The following SLFN12L variants were observed in gnomAD, a reference collection of about 807,000 sequenced individuals.
The protein encoded by SLFN12L is schlafen family member 12 like.
In SLFN12L, 34 loss-of-function variants were observed where a neutral mutation model predicts 34.8. That is an observed-to-expected ratio of 0.98 (90% CI 0.74 to 1.30). The LOEUF (loss-of-function observed/expected upper bound fraction) is 1.30, where lower values mean the gene tolerates loss of function less well. Among genes scored for constraint, SLFN12L ranks in the 50% most tolerant of loss-of-function variants. The pLI is 0.00. For synonymous variants in SLFN12L, 259 were observed against 247.5 expected (o/e 1.05, Z -0.44); for missense variants, 703 against 696.2 (o/e 1.01, Z -0.11).
intron 2 of SLFN12L, among the ~76,000 whole-genome samples, chr17:35,482,738 G>C (rs1914396244): frequency 6.6e-6 from 1 of 152,156 alleles, no homozygotes; most frequent in South Asian, 2.1e-4. Context: ...AGACATAAAT[G>C]GCAGTGGGAG....
chr17:35,490,360 T>C (rs1231260646), intron 2 of SLFN12L: 1 of 1,339,856 alleles, frequency 7.5e-7, no homozygotes, highest in Non-Finnish European at 1.1e-6. Flanking sequence ...CACGGTACGA[T>C]AGTCTCTTGA....
intron 1 of SLFN12L, among the ~76,000 whole-genome samples, chr17:35,530,497 A>AAATT (rs2072395321): frequency 1.3e-4 from 5 of 37,824 alleles, no homozygotes; most frequent in African/African-American, 3.7e-4. Flanking sequence ...AGAAAGAAAG[A>AAATT]AAGAAAGAAA....
At chr17:35,495,325 C>T (rs1317039435) in intron 2 of SLFN12L, among the ~76,000 whole-genome samples, 1 of 152,180 alleles carries the variant, frequency 6.6e-6, no homozygotes, top group African/African-American at 2.4e-5. Context: ...CCCATAGGTT[C>T]ATTGTCTTAA....
intron 2 of SLFN12L, among the ~76,000 whole-genome samples, chr17:35,511,573 A>G (rs1415380129): frequency 1.1e-5 from 1 of 92,098 alleles, no homozygotes; most frequent in African/African-American, 3.8e-5. Context: ...TCGTCTCTAC[A>G]CACACACACA....
chr17:35,504,830 AG>A (rs1915414887), intron 2 of SLFN12L, among the ~76,000 whole-genome samples: 1 of 152,250 alleles, frequency 6.6e-6, no homozygotes, highest in African/African-American at 2.4e-5. Context: ...CTTATCAATC[AG>A]TCAGCCCTTG....
rs915075212 is a variant in SLFN12L, at chr17:35,464,850, G to A, written c.*10073C>T. On this transcript the variant is annotated 3_prime_UTR_variant, in exon 5 of 5. Coordinates refer to ENST00000628453, the MANE Select transcript of SLFN12L (RefSeq NM_001363830.2). ...ATAGCTAAGGTCGTGATTGGGTTTA[G>A]AACTGTAAGGTTTTTTGTTTTCTGT... Among the ~76,000 whole-genome samples, 1 of 152,058 alleles carries A rather than the reference G, an allele frequency of 6.6e-6. No individual in the cohort carries two copies. Among genetic ancestry groups the A allele is most frequent in the African/African-American group, 2.4e-5 (1 of 41,404 alleles).
In SLFN12L at chr17:35,475,257, T is replaced by C. The variant is rs902015856; in HGVS notation, c.1505A>G (p.His502Arg). ...QDKPPVLYTF[H>R]MVQDEEFKDY... ...TTTAAACTCCTCATCCTGTACCATG[T>C]GGAAGGTGTATAGGACTGGAGGCTT... Residue 502 changes from histidine to arginine, a missense_variant, in exon 5 of 5, where the codon CAC becomes CGC. His to Arg is a conservative substitution (Grantham distance 29). Transcript: ENST00000628453. 6.2e-7 allele frequency: 1 copy of C among 1,614,142 alleles called. No individual in the cohort carries two copies.
intron 1 of SLFN12L, among the ~76,000 whole-genome samples, chr17:35,529,776 T>G (rs557609297): frequency 4.6e-5 from 7 of 152,172 alleles, no homozygotes; most frequent in African/African-American, 1.7e-4. Flanking sequence ...CAAACCACCA[T>G]GGCATGTGAA....
rs1914256482 is a variant in SLFN12L at position 35,480,024 on chromosome 17, G to A, written c.258C>T (p.Val86=). The part of the protein sequence containing the change: ...CQLRKQQNEN[V]SRAVCALLNS... ...TCAGCAGAGCACACACAGCTCGTGA[G>A]ACATTTTCATTCTGCTGTTTTCTCA... The change falls in exon 3 of 5, where the codon GTC becomes GTT. Residue 86 remains valine, a synonymous_variant. Coordinates refer to ENST00000628453, the MANE Select transcript of SLFN12L (RefSeq NM_001363830.2). The A allele has an allele frequency of 6.2e-7, 1 of 1,614,150 alleles. No homozygotes were observed. The highest frequency in any genetic ancestry group is 8.5e-7 in the Non-Finnish European group (1 of 1,180,038).
At chr17:35,496,554 C>G (rs1915088139) in intron 2 of SLFN12L, among the ~76,000 whole-genome samples, 1 of 151,508 alleles carries the variant, frequency 6.6e-6, no homozygotes, top group Non-Finnish European at 1.5e-5. Flanking sequence ...CCCTCCCCTC[C>G]CCTCATGACC....
chr17:35,490,802 G>T, intron 2 of SLFN12L: 1 of 1,400,266 alleles, frequency 7.1e-7, no homozygotes, highest in Admixed American at 1.7e-5. Flanking sequence ...AGACTTGAGT[G>T]CCTGACTCAA....
At chr17:35,498,852 G>T (rs968517763) in intron 2 of SLFN12L, 2 of 733,870 alleles carry the variant, frequency 2.7e-6, no homozygotes, top group Non-Finnish European at 4.8e-6. Flanking sequence ...GTATGCAAGT[G>T]GCAGCTCCTC....
At chr17:35,511,368 A>G (rs972314768) in intron 2 of SLFN12L, among the ~76,000 whole-genome samples, 2 of 152,234 alleles carry the variant, frequency 1.3e-5, no homozygotes, top group Non-Finnish European at 2.9e-5. Flanking sequence ...AGATGGTAAA[A>G]TAAACTTACT....
chr17:35,513,193 A>T (rs1597870721), intron 2 of SLFN12L, among the ~76,000 whole-genome samples: 1 of 152,134 alleles, frequency 6.6e-6, no homozygotes, highest in Admixed American at 6.5e-5. Flanking sequence ...TGTTTAAGGG[A>T]TAAGGATGGC....
At chr17:35,483,829 C>G (rs1914461537) in intron 2 of SLFN12L, among the ~76,000 whole-genome samples, 1 of 152,176 alleles carries the variant, frequency 6.6e-6, no homozygotes, top group South Asian at 2.1e-4. Flanking sequence ...ATATTCCTGT[C>G]CACTGCTAGA....
chr17:35,522,449 T>A lies in SLFN12L; in HGVS notation c.-85A>T. 2 of 1,614,060 alleles carry A rather than the reference T, an allele frequency of 1.2e-6. No individual in the cohort carries two copies. Among genetic ancestry groups the A allele is most frequent in the Admixed American group, 3.3e-5 (2 of 60,018 alleles). On this transcript the variant is annotated 5_prime_UTR_variant, in exon 2 of 5. Coordinates refer to ENST00000628453, the MANE Select transcript of SLFN12L (RefSeq NM_001363830.2). ...TGTTCTTGTGGAAGCTTCTGGAGAA[T>A]ATCTCATACTGCTGGGCTGTGAGCA...
chr17:35,507,317 C>A (rs1386937152), intron 2 of SLFN12L, among the ~76,000 whole-genome samples: 1 of 152,138 alleles, frequency 6.6e-6, no homozygotes, highest in African/African-American at 2.4e-5. Context: ...CAAGATGGCT[C>A]ATAGGGATTC....
At chr17:35,484,190 ACT>A (rs1567653118) in intron 2 of SLFN12L, among the ~76,000 whole-genome samples, 1 of 151,778 alleles carries the variant, frequency 6.6e-6, no homozygotes, top group Non-Finnish European at 1.5e-5. Flanking sequence ...CACCTGATAA[ACT>A]CTCTATCATC....
At chr17:35,515,237 G>A (rs1180534593) in intron 2 of SLFN12L, 4 of 496,548 alleles carry the variant, frequency 8.1e-6, no homozygotes, top group Non-Finnish European at 1.5e-5. Context: ...GGAAAGGAGC[G>A]GTTGCCCACA....
Sources: gnomAD v4.1 joint callset for allele counts (sites outside exome capture counted in the v4.1 genomes callset) on GRCh38, gnomAD v4.1.1 for gene constraint, MANE v1.5 for transcripts, NCBI Gene and HGNC (gene_info 2026-07-23, HGNC 2026-07-21) for gene names.